The following LUZP2 variants were observed in gnomAD, a reference collection of about 807,000 sequenced individuals.
The protein encoded by LUZP2 is leucine zipper protein 2.
In LUZP2, 52 loss-of-function variants were observed where a neutral mutation model predicts 51.6. That is an observed-to-expected ratio of 1.01 (90% confidence interval 0.81 to 1.27). The LOEUF (loss-of-function observed/expected upper bound fraction) is 1.27, where lower values mean the gene tolerates loss of function less well. Ranked by LOEUF, LUZP2 falls within the 50% of genes most tolerant of loss-of-function variation. LUZP2 has a pLI of 0.00. For missense variants in LUZP2, 436 were observed against 395.4 expected (o/e 1.10, Z -0.87); for synonymous variants, 154 against 137.3 (o/e 1.12, Z -0.85).
rs1438751329 is a variant in LUZP2, at chr11:24,619,177, C to T, written c.63-109992C>T. ...CTGAGTAGCTGAGACTACAGATGTG[C>T]ACCGCCATGCCTGGCTAATTATTTT... On this transcript the variant is annotated intron_variant, in intron 1 of 11. Coordinates refer to ENST00000336930, the MANE Select transcript of LUZP2 (RefSeq NM_001009909.4). Among the ~76,000 whole-genome samples the T allele has an allele frequency of 2.0e-5, 3 of 152,144 alleles. No homozygotes were observed. In the East Asian group the frequency reaches 5.8e-4, roughly 29 times the overall value.
At chr11:24,602,232 ATG>A (rs1273726737) in intron 1 of LUZP2, among the ~76,000 whole-genome samples, 1,375 of 42,064 alleles carry the variant, frequency 0.033, 41 homozygotes, top group South Asian at 0.18. Context: ...ATGTACATAT[ATG>A]TGTATATATG....
At chr11:25,073,850 A>G (rs1859228485) in intron 10 of LUZP2, among the ~76,000 whole-genome samples, 1 of 152,192 alleles carries the variant, frequency 6.6e-6, no homozygotes, top group Non-Finnish European at 1.5e-5. Context: ...AAAGAAAAAA[A>G]GGAACGATCA....
At chr11:24,943,371 C>T (rs1005882682) in intron 7 of LUZP2, among the ~76,000 whole-genome samples, 11 of 151,998 alleles carry the variant, frequency 7.2e-5, no homozygotes, top group African/African-American at 2.7e-4. Flanking sequence ...CTCTCCCTTT[C>T]ATTTTCTTCA....
At chr11:24,507,898 C>T (rs1850189607) in intron 1 of LUZP2, among the ~76,000 whole-genome samples, 1 of 151,776 alleles carries the variant, frequency 6.6e-6, no homozygotes, top group Non-Finnish European at 1.5e-5. Flanking sequence ...TGCAACTATG[C>T]CAGTCATATT....
chr11:24,869,389 G>A (rs1306637151), intron 5 of LUZP2, among the ~76,000 whole-genome samples: 2 of 152,010 alleles, frequency 1.3e-5, no homozygotes, highest in Non-Finnish European at 2.9e-5. Context: ...AACAGCATTT[G>A]CTCACTTTAT....
intron 5 of LUZP2, among the ~76,000 whole-genome samples, chr11:24,874,179 C>G (rs530673214): frequency 1.3e-5 from 2 of 152,130 alleles, no homozygotes; most frequent in Non-Finnish European, 2.9e-5. Flanking sequence ...GCTAGAGATT[C>G]TCATTTGCCC....
chr11:24,617,749 A>T (rs1372986161), intron 1 of LUZP2, among the ~76,000 whole-genome samples: 4 of 152,054 alleles, frequency 2.6e-5, no homozygotes, highest in Non-Finnish European at 5.9e-5. Context: ...TGAACCTCGG[A>T]GGTGGAGGTT....
intron 1 of LUZP2, among the ~76,000 whole-genome samples, chr11:24,541,234 CA>C (rs1851354052): frequency 9.7e-6 from 1 of 103,214 alleles, no homozygotes; most frequent in Non-Finnish European, 1.8e-5. Context: ...GCCTGGGGGA[CA>C]AGAGAGAGAC....
intron 1 of LUZP2, among the ~76,000 whole-genome samples, chr11:24,658,279 C>A (rs1349273941): frequency 2.0e-5 from 3 of 152,160 alleles, no homozygotes; most frequent in African/African-American, 4.8e-5. Context: ...CGCCTATCTA[C>A]AACTATCTGA....
intron 10 of LUZP2, among the ~76,000 whole-genome samples, chr11:25,057,294 C>T (rs1027525670): frequency 2.0e-5 from 3 of 151,982 alleles, no homozygotes; most frequent in Non-Finnish European, 4.4e-5. Flanking sequence ...TTGCTTTGTT[C>T]CACTTCCTGC....
intron 1 of LUZP2, among the ~76,000 whole-genome samples, chr11:24,523,541 TAATC>T (rs1462718608): frequency 5.0e-4 from 75 of 150,596 alleles, no homozygotes; most frequent in African/African-American, 1.8e-3. Flanking sequence ...TCACAAATAA[TAATC>T]TATTATATAT....
At chr11:24,508,879 A>G (rs1427586676) in intron 1 of LUZP2, among the ~76,000 whole-genome samples, 3 of 152,138 alleles carry the variant, frequency 2.0e-5, no homozygotes, top group Admixed American at 2.0e-4. Context: ...AAAATTAAAA[A>G]GGGGTAGAGA....
intron 5 of LUZP2, among the ~76,000 whole-genome samples, chr11:24,794,484 C>A (rs1849497168): frequency 1.3e-5 from 2 of 152,194 alleles, no homozygotes; most frequent in Admixed American, 1.3e-4. Context: ...AGAGATATAG[C>A]AAACAAAAGG....
intron 5 of LUZP2, among the ~76,000 whole-genome samples, chr11:24,764,751 A>C (rs1184467125): frequency 2.0e-5 from 3 of 152,170 alleles, no homozygotes; most frequent in Non-Finnish European, 4.4e-5. Context: ...GTGCTTTGGG[A>C]GGCCAAGGCA....
intron 5 of LUZP2, among the ~76,000 whole-genome samples, chr11:24,852,485 T>C (rs1017503275): frequency 6.6e-6 from 1 of 152,204 alleles, no homozygotes; most frequent in Non-Finnish European, 1.5e-5. Context: ...TTGTTATGAT[T>C]TCCCTTATTT....
At chr11:24,656,642 A>C (rs181919866) in intron 1 of LUZP2, among the ~76,000 whole-genome samples, 1 of 152,172 alleles carries the variant, frequency 6.6e-6, no homozygotes, top group Non-Finnish European at 1.5e-5. Flanking sequence ...GTCTTATGCT[A>C]TTGTAGAACT....
chr11:24,991,490 G>C (rs1856343013), intron 9 of LUZP2, among the ~76,000 whole-genome samples: 1 of 150,112 alleles, frequency 6.7e-6, no homozygotes, highest in Non-Finnish European at 1.5e-5. Context: ...ATTTGGGTTA[G>C]TTCCACAGTT....
chr11:24,918,381 G>A (rs1186103549), intron 7 of LUZP2, among the ~76,000 whole-genome samples: 1 of 151,958 alleles, frequency 6.6e-6, no homozygotes, highest in African/African-American at 2.4e-5. Context: ...TGTTGAATAG[G>A]AGTGGTGAGA....
intron 5 of LUZP2, among the ~76,000 whole-genome samples, chr11:24,803,690 C>T (rs1398650924): frequency 6.6e-6 from 1 of 152,030 alleles, no homozygotes; most frequent in Admixed American, 6.6e-5. Flanking sequence ...ACATGATGAA[C>T]TTTGAGAACA....
Sources: allele counts gnomAD v4.1 joint callset (sites outside exome capture counted in the v4.1 genomes callset), GRCh38; gene constraint gnomAD v4.1.1; transcripts MANE v1.5; gene names NCBI Gene and HGNC (gene_info 2026-07-23, HGNC 2026-07-21).